Variants in GPHN observed in about 807,000 individuals in gnomAD.
GPHN encodes the protein gephyrin.
A neutral mutation model predicts 95.5 loss-of-function variants in GPHN; 17 were observed. That is an observed-to-expected ratio of 0.18 (90% CI 0.12 to 0.27). The LOEUF (loss-of-function observed/expected upper bound fraction) is 0.27. GPHN is among the 10% of genes least tolerant of loss of function. The pLI, the probability that GPHN is intolerant of heterozygous loss-of-function variation, is 1.00. For missense variants in GPHN, 660 were observed against 978.1 expected (o/e 0.67, Z 4.34); for synonymous variants, 320 against 322.5 (o/e 0.99, Z 0.08).
chr14:67,208,965 A>C, the GPHN span, among the ~76,000 whole-genome samples: 1 of 152,132 alleles, frequency 6.6e-6, no homozygotes, highest in Admixed American at 6.5e-5. Flanking sequence ...AATGTTGGTC[A>C]AAGATTTATG....
chr14:67,100,239 A>G (rs1022202525), intron 12 of GPHN, among the ~76,000 whole-genome samples: 7 of 152,194 alleles, frequency 4.6e-5, no homozygotes, highest in Non-Finnish European at 5.9e-5. Context: ...TTAACCAGAA[A>G]TTGTTCAGAG....
the GPHN span, chr14:67,359,974 C>A: frequency 5.6e-6 from 3 of 537,274 alleles, no homozygotes; most frequent in Non-Finnish European, 6.6e-6. Context: ...CCCAACCCCT[C>A]CCCATCCAGC....
the GPHN span, among the ~76,000 whole-genome samples, chr14:67,485,067 C>T: frequency 1.3e-5 from 2 of 152,204 alleles, no homozygotes; most frequent in African/African-American, 2.4e-5. Context: ...ACCTTTAATG[C>T]CTGTAATGGA....
At chr14:66,965,939 A>G (rs1309325965) in intron 9 of GPHN, among the ~76,000 whole-genome samples, 2 of 152,130 alleles carry the variant, frequency 1.3e-5, no homozygotes, top group Non-Finnish European at 1.5e-5. Context: ...AGACACTTAT[A>G]TGCTGTTCAC....
chr14:67,087,350 A>C (rs538382621), intron 11 of GPHN, among the ~76,000 whole-genome samples: 1 of 152,282 alleles, frequency 6.6e-6, no homozygotes, highest in African/African-American at 2.4e-5. Context: ...GAACCATCCC[A>C]TGAGGTTTAC....
chr14:67,079,052 T>C (rs965785146), intron 11 of GPHN, among the ~76,000 whole-genome samples: 26 of 152,046 alleles, frequency 1.7e-4, no homozygotes, highest in African/African-American at 6.0e-4. Flanking sequence ...AATAAAAAGC[T>C]GGTTGGTTAT....
chr14:67,220,077 A>G, the GPHN span, among the ~76,000 whole-genome samples: 1 of 152,140 alleles, frequency 6.6e-6, no homozygotes, highest in Non-Finnish European at 1.5e-5. Flanking sequence ...AGTTATATAT[A>G]TTATTTTTCT....
chr14:67,730,152 G>A, the GPHN span, among the ~76,000 whole-genome samples: 1 of 152,174 alleles, frequency 6.6e-6, no homozygotes, highest in African/African-American at 2.4e-5. Context: ...ACAACCCTGC[G>A]AGGCAGGTAA....
chr14:67,365,117 A>G, the GPHN span: 12 of 1,210,318 alleles, frequency 9.9e-6, no homozygotes, highest in African/African-American at 7.7e-5. Flanking sequence ...AGCTCCTTTT[A>G]TACTTAAACC....
In GPHN at chr14:66,922,692, T is replaced by A; in HGVS notation, c.483T>A (p.Ala161=). 6.2e-7 allele frequency: 1 copy of A among 1,613,814 alleles called. No homozygotes were observed. Among genetic ancestry groups the A allele is most frequent in the South Asian group, 1.1e-5 (1 of 91,060 alleles). The change falls in exon 7 of 23, where the codon GCT becomes GCA. Residue 161 remains alanine (A), a synonymous_variant. Transcript: ENST00000478722. ...AATGCTTTCAATTCATACTGCCAGC[T>A]CTACCTCATGCCATTGACCTTTTAC... is the stretch of plus-strand genomic sequence containing the variant. ...SQECFQFILP[A]LPHAIDLLRD...
the GPHN span, among the ~76,000 whole-genome samples, chr14:67,540,344 G>A: frequency 4.6e-5 from 7 of 151,632 alleles, no homozygotes; most frequent in African/African-American, 7.3e-5. Flanking sequence ...AAATATTATC[G>A]GCCGGGTACA....
At chr14:66,563,354 T>A (rs961893047) in intron 1 of GPHN, among the ~76,000 whole-genome samples, 2 of 152,184 alleles carry the variant, frequency 1.3e-5, no homozygotes, top group Non-Finnish European at 2.9e-5. Context: ...TGTACCTGAT[T>A]CTTTTTTGAT....
chr14:66,521,314 T>TG (rs1165154351), intron 1 of GPHN, among the ~76,000 whole-genome samples: 1 of 152,064 alleles, frequency 6.6e-6, no homozygotes, highest in Non-Finnish European at 1.5e-5. Context: ...TCACCTGGCA[T>TG]GACTCACATG....
At chr14:67,133,741 GAT>G (rs527511604) in intron 17 of GPHN, among the ~76,000 whole-genome samples, 113 of 152,274 alleles carry the variant, frequency 7.4e-4, no homozygotes, top group Non-Finnish European at 1.4e-3. Flanking sequence ...TTCTCTGACA[GAT>G]TTATTTTGAA....
chr14:66,619,939 A>G (rs2063219532), intron 1 of GPHN, among the ~76,000 whole-genome samples: 2 of 152,154 alleles, frequency 1.3e-5, no homozygotes, highest in African/African-American at 2.4e-5. Flanking sequence ...GAAGAAGTAC[A>G]AGGACCCTTA....
At chr14:66,985,636 A>T in intron 9 of GPHN, 1 of 1,316,522 alleles carries the variant, frequency 7.6e-7, no homozygotes, top group Non-Finnish European at 1.0e-6. Context: ...TTTTAAGTTC[A>T]CTTTTTCTTT....
the GPHN span, among the ~76,000 whole-genome samples, chr14:67,452,215 T>C: frequency 0.48 from 72,378 of 151,450 alleles, 19,235 homozygotes; most frequent in African/African-American, 0.72. Flanking sequence ...ACCAGCTACT[T>C]GGGAAGCTGA....
At chr14:67,593,865 G>A in the GPHN span, 2 of 1,612,498 alleles carry the variant, frequency 1.2e-6, no homozygotes, top group African/African-American at 2.7e-5. Context: ...ATGATTAACA[G>A]AGTCTCCTGA....
chr14:67,225,926 A>AGTGTGTGTGTGTGTGTGTGTGT, the GPHN span, among the ~76,000 whole-genome samples: 250 of 136,696 alleles, frequency 1.8e-3, 2 homozygotes, highest in Middle Eastern at 3.7e-3. Flanking sequence ...TAATGCTGTG[A>AGTGTGTGTGTGTGTGTGTGTGT]GTGTGTGTGT....
Sources: gnomAD v4.1 joint callset for allele counts (sites outside exome capture counted in the v4.1 genomes callset) on GRCh38, gnomAD v4.1.1 for gene constraint, MANE v1.5 for transcripts, NCBI Gene and HGNC (gene_info 2026-07-23, HGNC 2026-07-21) for gene names.